The following CNTNAP2 variants were observed in gnomAD, a reference collection of about 807,000 sequenced individuals.
CNTNAP2 encodes the protein contactin associated protein 2, also known as contactin-associated protein-like 2.
In CNTNAP2, 98 loss-of-function variants were observed where a neutral mutation model predicts 155.2. The observed-to-expected ratio is 0.63, with a 90% CI of 0.54 to 0.75. The LOEUF (loss-of-function observed/expected upper bound fraction) is 0.75, where lower values mean the gene tolerates loss of function less well. Among genes scored for constraint, CNTNAP2 ranks in the 30% least tolerant of loss-of-function variants. The pLI, the probability that CNTNAP2 is intolerant of heterozygous loss-of-function variation, is 0.00. For synonymous variants in CNTNAP2, 651 were observed against 631.2 expected, an observed-to-expected ratio of 1.03 and a Z score of -0.47; for missense variants, 1,727 against 1,688.1, an observed-to-expected ratio of 1.02 and a Z score of -0.40.
At chr7:147,639,438 A>G in intron 13 of CNTNAP2, 132 bp downstream of exon 13, 1 of 841,150 alleles carries the variant, frequency 1.2e-6, no homozygotes, top group African/African-American at 1.7e-5. Context: ...TAAATAAGTA[A>G]AATAAAATCA....
In CNTNAP2 at chr7:146,361,518, T is replaced by C. The variant is rs145970416; in HGVS notation, c.97+244545T>C. ...CTCTAGGATTCAAGTGTTCACTGTA[T>C]GAGGTAAATTAACTCTTCCAGTGCT... is the stretch of plus-strand genomic sequence containing the variant. On this transcript the variant is annotated intron_variant, in intron 1 of 23. Coordinates refer to ENST00000361727, the MANE Select transcript of CNTNAP2 (RefSeq NM_014141.6). Among the ~76,000 whole-genome samples the C allele has an allele frequency of 5.6e-3, 853 of 152,314 alleles. 8 individuals are homozygous for C. Among genetic ancestry groups the C allele is most frequent in the Non-Finnish European group, 9.1e-3 (620 of 68,030 alleles).
rs28734906 is a variant in CNTNAP2 at position 148,386,701 on chromosome 7, G to A, written c.3715+2813G>A. Among the ~76,000 whole-genome samples, 1,424 of 152,068 alleles carry A rather than the reference G, an allele frequency of 9.4e-3. 24 individuals are homozygous for A. The highest frequency in any genetic ancestry group is 0.033 in the African/African-American group (1,351 of 41,518). ...GCAGCCTCTGGTTGCTCAGTGTCAG[G>A]GAGGAAAAACTTTTCCTCTGTCCTC... On this transcript the variant is annotated intron_variant, in intron 22 of 23. Transcript: ENST00000361727.
At chr7:147,177,535 G>A (rs1802374792) in intron 8 of CNTNAP2, among the ~76,000 whole-genome samples, 2 of 152,128 alleles carry the variant, frequency 1.3e-5, no homozygotes, top group African/African-American at 4.8e-5. Context: ...CTTCATAGCA[G>A]CATGAGAACA....
intron 14 of CNTNAP2, among the ~76,000 whole-genome samples, chr7:147,962,418 C>T (rs1161273767): frequency 1.3e-5 from 2 of 152,284 alleles, no homozygotes; most frequent in Admixed American, 6.5e-5. Context: ...AGCTGCCCCT[C>T]CCTGTCTTGA....
At chr7:148,059,493 C>G (rs1367421783) in intron 15 of CNTNAP2, among the ~76,000 whole-genome samples, 2 of 150,572 alleles carry the variant, frequency 1.3e-5, no homozygotes, top group Non-Finnish European at 2.9e-5. Context: ...CTGGCTGAGG[C>G]AGGAAAATCG....
intron 3 of CNTNAP2, among the ~76,000 whole-genome samples, chr7:146,906,118 G>A (rs1222704169): frequency 1.3e-5 from 2 of 152,298 alleles, no homozygotes; most frequent in Admixed American, 6.5e-5. Flanking sequence ...GCGCACCACG[G>A]GACTATATCC....
intron 17 of CNTNAP2, among the ~76,000 whole-genome samples, chr7:148,164,570 G>A (rs1046984953): frequency 6.8e-6 from 1 of 146,030 alleles, no homozygotes; most frequent in Non-Finnish European, 1.5e-5. Flanking sequence ...TGATAAGATA[G>A]CAACGACACC....
intron 8 of CNTNAP2, among the ~76,000 whole-genome samples, chr7:147,155,440 G>T (rs949554367): frequency 6.6e-6 from 1 of 152,110 alleles, no homozygotes; most frequent in Non-Finnish European, 1.5e-5. Flanking sequence ...AAGGAACAAA[G>T]GGGAAGAGTT....
At chr7:148,324,358 T>C (rs1000966260) in intron 21 of CNTNAP2, among the ~76,000 whole-genome samples, 1 of 152,136 alleles carries the variant, frequency 6.6e-6, no homozygotes, top group Non-Finnish European at 1.5e-5. Context: ...TTGACCACTG[T>C]TTTTAATTGC....
intron 1 of CNTNAP2, among the ~76,000 whole-genome samples, chr7:146,495,333 G>A (rs1797198182): frequency 6.6e-6 from 1 of 152,126 alleles, no homozygotes; most frequent in African/African-American, 2.4e-5. Context: ...GTTTGTTCTA[G>A]CTGACCACAG....
chr7:147,544,822 T>A (rs1799702743), intron 11 of CNTNAP2, among the ~76,000 whole-genome samples: 1 of 152,154 alleles, frequency 6.6e-6, no homozygotes, highest in African/African-American at 2.4e-5. Context: ...ATAAGGGGTG[T>A]CCGGTTTTGC....
At chr7:147,711,695 C>G (rs1796402504) in intron 13 of CNTNAP2, among the ~76,000 whole-genome samples, 1 of 152,180 alleles carries the variant, frequency 6.6e-6, no homozygotes, top group South Asian at 2.1e-4. Flanking sequence ...AGCTGTGCTT[C>G]CCTCTTGCTA....
chr7:147,366,913 C>T (rs545620591), intron 9 of CNTNAP2, among the ~76,000 whole-genome samples: 47 of 152,112 alleles, frequency 3.1e-4, no homozygotes, highest in African/African-American at 1.0e-3. Flanking sequence ...TATCCACTTT[C>T]GTAAAAGTTC....
intron 11 of CNTNAP2, among the ~76,000 whole-genome samples, chr7:147,531,596 A>G (rs1236929357): frequency 6.6e-6 from 1 of 152,146 alleles, no homozygotes; most frequent in East Asian, 1.9e-4. Flanking sequence ...CCTAGGCTGC[A>G]CGTAGCACGG....
At chr7:147,795,776 A>G (rs1003170016) in intron 13 of CNTNAP2, among the ~76,000 whole-genome samples, 8 of 152,166 alleles carry the variant, frequency 5.3e-5, no homozygotes, top group Admixed American at 1.3e-4. Context: ...GAATATTCAT[A>G]TAACCTCTCT....
intron 13 of CNTNAP2, among the ~76,000 whole-genome samples, chr7:147,680,957 G>A (rs141096460): frequency 0.017 from 2,535 of 151,714 alleles, 221 homozygotes; most frequent in Admixed American, 0.15. Context: ...TAATATATAC[G>A]TTATATAACT....
At chr7:146,379,026 T>G (rs1795344410) in intron 1 of CNTNAP2, among the ~76,000 whole-genome samples, 1 of 152,236 alleles carries the variant, frequency 6.6e-6, no homozygotes, top group South Asian at 2.1e-4. Context: ...CAGAGATTGT[T>G]CTGGTCTTCT....
intron 12 of CNTNAP2, among the ~76,000 whole-genome samples, chr7:147,580,589 A>C (rs548226015): frequency 1.1e-4 from 17 of 151,584 alleles, no homozygotes; most frequent in Admixed American, 9.3e-4. Flanking sequence ...CGGTTTGCAA[A>C]ATGATGTTGA....
intron 4 of CNTNAP2, among the ~76,000 whole-genome samples, chr7:147,085,486 T>C (rs1036432254): frequency 3.9e-5 from 6 of 152,172 alleles, no homozygotes; most frequent in Admixed American, 1.3e-4. Context: ...CCTGATGATC[T>C]GAAGTGGAAC....
Sources: gnomAD v4.1 joint callset for allele counts (sites outside exome capture counted in the v4.1 genomes callset) on GRCh38, gnomAD v4.1.1 for gene constraint, MANE v1.5 for transcripts, NCBI Gene and HGNC (gene_info 2026-07-23, HGNC 2026-07-21) for gene names.